MMS22L: variants seen among roughly 807,000 people sequenced by gnomAD.
The protein encoded by MMS22L is MMS22 like, DNA repair protein.
MMS22L carries 74 observed loss-of-function variants against 159.1 expected under a neutral mutation model. The observed-to-expected ratio is 0.47, with a 90% CI of 0.39 to 0.56. The LOEUF is 0.56. Among genes scored for constraint, MMS22L ranks in the 20% least tolerant of loss-of-function variants. MMS22L has a pLI of 0.00. For synonymous variants in MMS22L, 517 were observed against 506.9 expected (o/e 1.02, Z -0.27); for missense variants, 1,351 against 1,422.1 (o/e 0.95, Z 0.80).
At chr6:97,254,465 TTTC>T (rs765546516) in intron 10 of MMS22L, 89 bp downstream of exon 10, 47 of 1,002,812 alleles carry the variant, frequency 4.7e-5, no homozygotes, top group Non-Finnish European at 6.1e-5. Flanking sequence ...TAGTCTGACT[TTTC>T]TTGTTTCTGC....
intron 11 of MMS22L, among the ~76,000 whole-genome samples, chr6:97,243,243 C>A (rs558378206): frequency 1.3e-5 from 2 of 152,200 alleles, no homozygotes; most frequent in South Asian, 4.1e-4. Flanking sequence ...AACATAATCC[C>A]AATATTCTTG....
chr6:97,234,151 T>G (rs1471647412), intron 11 of MMS22L, among the ~76,000 whole-genome samples, 171 bp from the exon 12 acceptor site: 2 of 152,062 alleles, frequency 1.3e-5, no homozygotes, highest in African/African-American at 2.4e-5. Flanking sequence ...AACACATACT[T>G]CCAAAAACAT....
intron 22 of MMS22L, among the ~76,000 whole-genome samples, chr6:97,157,245 A>T (rs1211835556): frequency 6.6e-6 from 1 of 152,188 alleles, no homozygotes; most frequent in African/African-American, 2.4e-5. Flanking sequence ...TCCTAAATAT[A>T]CAATCATGTC....
In MMS22L at chr6:97,151,556, A is replaced by G. The variant is rs187264990; in HGVS notation, c.3482+215T>C. 25 of 467,754 alleles carry G rather than the reference A, an allele frequency of 5.3e-5. 1 individual carries two copies. The East Asian group carries it at 9.1e-4, about 17-fold the overall frequency. 29.0% of individuals were successfully genotyped at this position (467,754 alleles called of 1,614,324 possible). A position where few individuals can be genotyped will look rare whatever the true frequency, so the allele number is the denominator to read the frequency against. ...ATTCTTCCTCACTAAATTCACAGGT[A>G]ATTTTAAGTCCCCTCACTTATCTTT... On this transcript the variant is annotated intron_variant, in intron 23 of 24. Transcript: ENST00000683635.
chr6:97,255,016 A>T (rs1015150870), intron 9 of MMS22L, among the ~76,000 whole-genome samples: 1 of 152,048 alleles, frequency 6.6e-6, no homozygotes, highest in Non-Finnish European at 1.5e-5. Context: ...CAGGTATACC[A>T]GCCTATATTA....
At chr6:97,172,795 A>G (rs1364718197) in intron 19 of MMS22L, among the ~76,000 whole-genome samples, 1 of 152,170 alleles carries the variant, frequency 6.6e-6, no homozygotes, top group Non-Finnish European at 1.5e-5. Flanking sequence ...CTCATGACAG[A>G]CTACTGAAAG....
intron 14 of MMS22L, among the ~76,000 whole-genome samples, chr6:97,202,672 T>A (rs1186809779): frequency 6.6e-6 from 1 of 152,306 alleles, no homozygotes; most frequent in East Asian, 1.9e-4. Context: ...AATGGAATTA[T>A]AACCCAGGTG....
At chr6:97,249,909 G>A (rs1813064606) in intron 10 of MMS22L, among the ~76,000 whole-genome samples, 1 of 151,934 alleles carries the variant, frequency 6.6e-6, no homozygotes, top group African/African-American at 2.4e-5. Flanking sequence ...CAATCATTCT[G>A]TGTTATCAAA....
At chr6:97,203,206 CA>C (rs1357289269) in intron 14 of MMS22L, among the ~76,000 whole-genome samples, 9 of 151,790 alleles carry the variant, frequency 5.9e-5, no homozygotes, top group African/African-American at 1.7e-4. Context: ...ACTAAAAAGG[CA>C]AAAAAAGGAG....
At chr6:97,204,905 A>ATTTGTGCTTTGAGGGCC (rs1807597299) in intron 14 of MMS22L, among the ~76,000 whole-genome samples, 1 of 140,056 alleles carries the variant, frequency 7.1e-6, no homozygotes, top group Non-Finnish European at 1.6e-5. Flanking sequence ...TTTTTTTTTT[A>ATTTGTGCTTTGAGGGCC]ATATTTGTGC....
At chr6:97,210,170 T>G (rs192526029) in intron 14 of MMS22L, among the ~76,000 whole-genome samples, 12 of 151,982 alleles carry the variant, frequency 7.9e-5, no homozygotes, top group Admixed American at 7.9e-4. Context: ...ACCTTTTGCT[T>G]TTTCCTAAAA....
chr6:97,235,020 G>A (rs1354177470), intron 11 of MMS22L, among the ~76,000 whole-genome samples: 2 of 152,156 alleles, frequency 1.3e-5, no homozygotes, highest in Admixed American at 1.3e-4. Context: ...AATATGTTGG[G>A]AAGCTACTGG....
chr6:97,171,773 A>C (rs1039172199), intron 19 of MMS22L, among the ~76,000 whole-genome samples: 7 of 152,112 alleles, frequency 4.6e-5, no homozygotes, highest in African/African-American at 1.7e-4. Flanking sequence ...CCTTCCCTCA[A>C]ATGGTTATGC....
At chr6:97,156,804 CT>C (rs923475386) in intron 22 of MMS22L, among the ~76,000 whole-genome samples, 1 of 151,824 alleles carries the variant, frequency 6.6e-6, no homozygotes, top group African/African-American at 2.4e-5. Context: ...GCTATGCACA[CT>C]TTTTTTTGGT....
At chr6:97,260,747 T>G (rs976895624) in intron 9 of MMS22L, 1 of 152,210 alleles carries the variant, frequency 6.6e-6, no homozygotes, top group Non-Finnish European at 1.5e-5. Context: ...ATTCCATTCA[T>G]TTTGTAGATT....
rs886419994 is a variant in MMS22L at position 97,282,566 on chromosome 6, G to A, written c.-76-13C>T. 1.6e-4 allele frequency: 23 copies of A among 141,486 alleles called. No individual in the cohort carries two copies. The highest frequency in any genetic ancestry group is 3.0e-4 in the Non-Finnish European group (20 of 67,190). The allele number at this position is 141,486 out of a possible 1,614,324, so 8.8% of individuals were successfully genotyped here. A position where few individuals can be genotyped will look rare whatever the true frequency, so the allele number is the denominator to read the frequency against. On this transcript the variant is annotated splice_polypyrimidine_tract_variant and intron_variant, in intron 1 of 24. Coordinates refer to ENST00000683635, the MANE Select transcript of MMS22L (RefSeq NM_001350599.2). ...TGTGAAGAGATTCCTGTTGGGGGGG[G>A]GGGGGTGGGGCCGAGAGAGTGGGGA...
At chr6:97,222,134 C>T (rs578161055) in intron 14 of MMS22L, among the ~76,000 whole-genome samples, 1 of 151,858 alleles carries the variant, frequency 6.6e-6, no homozygotes, top group Non-Finnish European at 1.5e-5. Flanking sequence ...CAAAGAAAAA[C>T]CAAAAATCTT....
rs1292777714 is a variant in MMS22L at position 97,199,370 on chromosome 6, C to T, written c.2040-12680G>A. On this transcript the variant is annotated intron_variant, in intron 14 of 24. Transcript: ENST00000683635. ...TTAACTACATCAACCCAAATGTTCC[C>T]GTCACAGTGAAATTTGCTTTATAAT... is the stretch of plus-strand genomic sequence containing the variant. Among the ~76,000 whole-genome samples, 7 of 151,924 alleles carry T rather than the reference C, an allele frequency of 4.6e-5. No homozygotes were observed. In the East Asian group the frequency reaches 7.7e-4, roughly 17 times the overall value.
rs1174785783 is a variant in MMS22L, at chr6:97,245,888, CACATAT to C, written c.1182+734_1182+739del. 140 of 113,604 alleles carry C rather than the reference CACATAT, an allele frequency of 1.2e-3. 5 individuals carry two copies. The highest frequency in any genetic ancestry group is 8.3e-3 in the South Asian group (103 of 12,362). 7.0% of individuals were successfully genotyped at this position (113,604 alleles called of 1,614,324 possible). On this transcript the variant is annotated intron_variant, in intron 11 of 24. Coordinates refer to ENST00000683635, the MANE Select transcript of MMS22L (RefSeq NM_001350599.2). ...ACACACACACACACACACACACACA[CACATAT>C]AAAGCAATATTATACTACAATATTT...
Sources: allele counts gnomAD v4.1 joint callset (sites outside exome capture counted in the v4.1 genomes callset), GRCh38; gene constraint gnomAD v4.1.1; transcripts MANE v1.5; gene names NCBI Gene and HGNC (gene_info 2026-07-23, HGNC 2026-07-21).